Variants in ZNRF2 observed in about 807,000 individuals in gnomAD.
ZNRF2 encodes E3 ubiquitin-protein ligase ZNRF2.
Under a neutral mutation model 20.4 loss-of-function variants are expected in ZNRF2, and 16 were observed. The ratio of observed to expected loss-of-function variants is 0.79; its 90% confidence interval spans 0.53 to 1.19. The LOEUF (loss-of-function observed/expected upper bound fraction) is 1.19. Among genes scored for constraint, ZNRF2 ranks in the 50% most tolerant of loss-of-function variants. The pLI is 0.00. For missense variants in ZNRF2, 363 were observed against 332.4 expected (o/e 1.09, Z -0.72); for synonymous variants, 178 against 144.9 (o/e 1.23, Z -1.64).
intron 1 of ZNRF2, among the ~76,000 whole-genome samples, chr7:30,299,710 ATGTGATTT>A (rs1799077565): frequency 6.7e-6 from 1 of 150,002 alleles, no homozygotes; most frequent in Admixed American, 6.6e-5. Flanking sequence ...TTCATTTTGT[ATGTGATTT>A]TGTGATGGAG....
At chr7:30,334,386 G>A (rs966655175) in intron 2 of ZNRF2, among the ~76,000 whole-genome samples, 2 of 152,018 alleles carry the variant, frequency 1.3e-5, no homozygotes, top group Non-Finnish European at 2.9e-5. Context: ...ATGATGTTTC[G>A]GTTCCTATAG....
intron 1 of ZNRF2, among the ~76,000 whole-genome samples, chr7:30,293,694 C>A (rs1433085568): frequency 6.6e-6 from 1 of 152,186 alleles, no homozygotes; most frequent in East Asian, 1.9e-4. Flanking sequence ...AATTTTTTAA[C>A]CCATAAAAAC....
intron 2 of ZNRF2, among the ~76,000 whole-genome samples, chr7:30,332,285 A>G (rs891416737): frequency 6.6e-6 from 1 of 152,200 alleles, no homozygotes; most frequent in Non-Finnish European, 1.5e-5. Flanking sequence ...AATGAGTGCT[A>G]AGTTAACAAG....
At chr7:30,339,514 A>G (rs1456940686) in intron 2 of ZNRF2, among the ~76,000 whole-genome samples, 3 of 151,628 alleles carry the variant, frequency 2.0e-5, no homozygotes, top group Non-Finnish European at 4.4e-5. Flanking sequence ...GCATCATTAA[A>G]TAGGGAATCC....
chr7:30,309,191 T>C (rs1356008171), intron 1 of ZNRF2, among the ~76,000 whole-genome samples: 1 of 152,198 alleles, frequency 6.6e-6, no homozygotes, highest in Non-Finnish European at 1.5e-5. Flanking sequence ...AAGCAGAGTA[T>C]ATAAGCTTTT....
intron 2 of ZNRF2, among the ~76,000 whole-genome samples, chr7:30,328,331 A>G (rs1455777703): frequency 6.6e-6 from 1 of 152,234 alleles, no homozygotes; most frequent in East Asian, 1.9e-4. Context: ...TGTTGATTCC[A>G]TAGAGAGATA....
At chr7:30,335,727 A>G (rs970973833) in intron 2 of ZNRF2, among the ~76,000 whole-genome samples, 1 of 152,182 alleles carries the variant, frequency 6.6e-6, no homozygotes, top group Non-Finnish European at 1.5e-5. Flanking sequence ...GCAGAAAGAT[A>G]AATTATAGCT....
chr7:30,288,226 T>C (rs1246632370), intron 1 of ZNRF2, among the ~76,000 whole-genome samples: 1 of 152,248 alleles, frequency 6.6e-6, no homozygotes, highest in Non-Finnish European at 1.5e-5. Context: ...TTATTGTGTT[T>C]ATTCAGTTAC....
intron 2 of ZNRF2, among the ~76,000 whole-genome samples, chr7:30,343,588 G>A (rs1021564054): frequency 2.6e-5 from 4 of 151,842 alleles, no homozygotes; most frequent in Non-Finnish European, 4.4e-5. Context: ...TATTATAAAA[G>A]CTCCTCTGTC....
intron 2 of ZNRF2, among the ~76,000 whole-genome samples, chr7:30,328,130 T>A (rs889376517): frequency 8.5e-5 from 13 of 152,216 alleles, no homozygotes; most frequent in African/African-American, 2.9e-4. Context: ...GCCACCTGGT[T>A]TTAAAGTCAG....
At chr7:30,360,134 A>G (rs2127957607) in intron 3 of ZNRF2, among the ~76,000 whole-genome samples, 1 of 152,332 alleles carries the variant, frequency 6.6e-6, no homozygotes, top group East Asian at 1.9e-4. Context: ...TTGCTCTAAG[A>G]CAGTGCTACT....
chr7:30,296,480 C>G (rs1442112974), intron 1 of ZNRF2, among the ~76,000 whole-genome samples: 1 of 152,190 alleles, frequency 6.6e-6, no homozygotes, highest in Non-Finnish European at 1.5e-5. Context: ...ATTTTAGTTA[C>G]ATGATTTACT....
At chr7:30,310,965 G>A (rs1338230495) in intron 1 of ZNRF2, among the ~76,000 whole-genome samples, 1 of 152,182 alleles carries the variant, frequency 6.6e-6, no homozygotes, top group African/African-American at 2.4e-5. Context: ...ACAGGTGGAG[G>A]TTGTTAGTGG....
intron 3 of ZNRF2, among the ~76,000 whole-genome samples, chr7:30,360,799 G>A (rs1800115663): frequency 6.6e-6 from 1 of 152,288 alleles, no homozygotes; most frequent in Middle Eastern, 3.4e-3. Context: ...CTGTTTTATG[G>A]TAGCATTTAT....
rs1011426179 is a variant in ZNRF2 at position 30,367,260 on chromosome 7, T to C, written c.*1248T>C. On this transcript the variant is annotated 3_prime_UTR_variant, in exon 5 of 5. Transcript: ENST00000323037. ...TAAATTCAGTTTGTGTAGAAAGAAA[T>C]GTGTTAAACAAAATTATGTTAATAA... The C allele has an allele frequency of 6.6e-6, 1 of 152,498 alleles. No individual in the cohort carries two copies. The highest frequency in any genetic ancestry group is 1.5e-5 in the Non-Finnish European group (1 of 67,914). The allele number at this position is 152,498 out of a possible 1,614,324, so 9.4% of individuals were successfully genotyped here.
chr7:30,301,067 G>A (rs771950279), intron 1 of ZNRF2, among the ~76,000 whole-genome samples: 52 of 152,312 alleles, frequency 3.4e-4, no homozygotes, highest in African/African-American at 1.2e-3. Context: ...AAAGATGAGA[G>A]CAGTCTGCTG....
chr7:30,347,807 A>G (rs943554612), intron 2 of ZNRF2, among the ~76,000 whole-genome samples: 1 of 152,188 alleles, frequency 6.6e-6, no homozygotes, highest in Non-Finnish European at 1.5e-5. Flanking sequence ...ATGAATCTAG[A>G]TTTATATTCT....
chr7:30,286,206 C>A (rs927242784), intron 1 of ZNRF2, among the ~76,000 whole-genome samples: 2 of 152,170 alleles, frequency 1.3e-5, no homozygotes, highest in African/African-American at 4.8e-5. Context: ...AAATGTAGTT[C>A]TATCTGGGGA....
chr7:30,359,012 A>G (rs1800082616), intron 3 of ZNRF2, among the ~76,000 whole-genome samples: 1 of 152,238 alleles, frequency 6.6e-6, no homozygotes, highest in Admixed American at 6.5e-5. Flanking sequence ...GATTTGCCAG[A>G]GACGAAATTA....
Sources: gnomAD v4.1 joint callset for allele counts (sites outside exome capture counted in the v4.1 genomes callset) on GRCh38, gnomAD v4.1.1 for gene constraint, MANE v1.5 for transcripts, NCBI Gene and HGNC (gene_info 2026-07-23, HGNC 2026-07-21) for gene names.